APC: variants seen among roughly 807,000 people sequenced by gnomAD.
The protein encoded by APC is APC regulator of Wnt signaling pathway.
APC carries 72 observed loss-of-function variants against 247.0 expected under a neutral mutation model. The observed-to-expected ratio is 0.29, with a 90% CI of 0.24 to 0.35. APC has a LOEUF of 0.35. Among genes scored for constraint, APC ranks in the 10% least tolerant of loss-of-function variants. APC has a pLI of 1.00. For missense variants in APC, 3,400 were observed against 3,360.7 expected, an observed-to-expected ratio of 1.01 and a Z score of -0.29; for synonymous variants, 1,254 against 1,162.5, an observed-to-expected ratio of 1.08 and a Z score of -1.60.
chr5:112,786,886 C>CTTTT (rs1171592849), intron 6 of APC, among the ~76,000 whole-genome samples: 13 of 118,122 alleles, frequency 1.1e-4, no homozygotes, highest in South Asian at 2.9e-4. Context: ...TTTTCTTTTT[C>CTTTT]TTTTTTTTTT....
chr5:112,821,169 C>G (rs985944109), intron 10 of APC, among the ~76,000 whole-genome samples: 1 of 151,788 alleles, frequency 6.6e-6, no homozygotes, highest in African/African-American at 2.4e-5. Flanking sequence ...GCACCTAGCA[C>G]CATGTGCTTT....
At chr5:112,767,741 G>A (rs1413134934) in intron 4 of APC, among the ~76,000 whole-genome samples, 2 of 150,788 alleles carry the variant, frequency 1.3e-5, no homozygotes, top group African/African-American at 4.9e-5. Flanking sequence ...AGCGGTTCTT[G>A]TGCCTCAGCC....
At chr5:112,797,583 G>C (rs1375028157) in intron 7 of APC, among the ~76,000 whole-genome samples, 4 of 152,194 alleles carry the variant, frequency 2.6e-5, no homozygotes, top group African/African-American at 9.7e-5. Flanking sequence ...AACCAGTGCT[G>C]TGACTTTCTT....
chr5:112,800,447 T>A (rs1396038051), intron 7 of APC, among the ~76,000 whole-genome samples: 4 of 152,220 alleles, frequency 2.6e-5, no homozygotes, highest in Non-Finnish European at 5.9e-5. Context: ...TAAGTCACAT[T>A]TTTTAAATGA....
At chr5:112,819,445 G>C (rs1041215252) in intron 10 of APC, 101 bp downstream of exon 10, 1 of 1,456,902 alleles carries the variant, frequency 6.9e-7, no homozygotes, top group Non-Finnish European at 9.5e-7. Context: ...TTATGACTAA[G>C]AGGAGAAAAT....
intron 1 of APC, among the ~76,000 whole-genome samples, chr5:112,720,923 A>C (rs1215775329): frequency 6.6e-6 from 1 of 152,184 alleles, no homozygotes; most frequent in Non-Finnish European, 1.5e-5. Flanking sequence ...GGGAGAGAAG[A>C]GTAAGGGGTT....
intron 11 of APC, among the ~76,000 whole-genome samples, chr5:112,824,471 C>G (rs981430169): frequency 1.3e-5 from 2 of 152,042 alleles, no homozygotes; most frequent in African/African-American, 4.8e-5. Flanking sequence ...TTTTATTAGC[C>G]ATGTTCTTCC....
rs2149788963 is a variant in APC, at chr5:112,767,305, G to A, written c.337G>A (p.Val113Ile). The A allele has an allele frequency of 1.2e-6, 2 of 1,614,152 alleles. No homozygotes were observed. The highest frequency in any genetic ancestry group is 1.1e-5 in the South Asian group (1 of 91,084). ...VSSRSGECSP[V>I]PMGSFPRRGF... is the part of the protein sequence containing the mutation. ...AAGCCGTTCTGGAGAGTGCAGTCCT[G>A]TTCCTATGGGTTCATTTCCAAGAAG... Residue 113 changes from valine (V) to isoleucine (I), a missense_variant, in exon 4 of 16, where the codon GTT (valine) becomes ATT (isoleucine). Val to Ile is a conservative substitution (Grantham distance 29, BLOSUM62 3). Around this residue, in one of 9 missense-constraint regions of APC, gnomAD observed 372 missense variants for 367.6 expected, o/e 1.01. Coordinates refer to ENST00000257430, the MANE Select transcript of APC (RefSeq NM_000038.6).
upstream of APC, among the ~76,000 whole-genome samples, chr5:112,734,992 A>G (rs1278170515): frequency 6.6e-6 from 1 of 151,950 alleles, no homozygotes; most frequent in Non-Finnish European, 1.5e-5. Context: ...TTGTAGCTGC[A>G]GAAGGTTCAG....
intron 1 of APC, among the ~76,000 whole-genome samples, chr5:112,726,684 T>C (rs1014666666): frequency 6.6e-6 from 1 of 152,134 alleles, no homozygotes; most frequent in Non-Finnish European, 1.5e-5. Context: ...ACCCAGTATT[T>C]CCCTGTTTCC....
chr5:112,738,346 C>T (rs778324137), intron 1 of APC: 23 of 985,306 alleles, frequency 2.3e-5, no homozygotes, highest in South Asian at 9.4e-5. Flanking sequence ...TCCTCCCTGG[C>T]GACAAGGACA....
intron 7 of APC, among the ~76,000 whole-genome samples, chr5:112,799,248 T>G (rs940351705): frequency 2.0e-5 from 3 of 150,406 alleles, no homozygotes; most frequent in African/African-American, 7.4e-5. Context: ...TAATTAATGA[T>G]CTGTTCCTCC....
Position 112,828,987 on chromosome 5 carries a change from AT to A in APC, c.1743+18del, listed in dbSNP as rs1764028603. ...AAGTTAAAAAGGTACCTTTGAAAAC[AT>A]TTAGTACTATAATATGAATTTCATG... is the stretch of plus-strand genomic sequence containing the variant. On this transcript the variant is annotated intron_variant, in intron 14 of 15. Coordinates refer to ENST00000257430, the MANE Select transcript of APC (RefSeq NM_000038.6). The A allele has an allele frequency of 6.5e-7, 1 of 1,539,188 alleles. No homozygotes were observed. The highest frequency in any genetic ancestry group is 1.7e-5 in the Admixed American group (1 of 59,882).
At chr5:112,800,030 G>A (rs1037009913) in intron 7 of APC, among the ~76,000 whole-genome samples, 2 of 151,990 alleles carry the variant, frequency 1.3e-5, no homozygotes, top group African/African-American at 4.8e-5. Context: ...TTCTTTCATG[G>A]CATTTGTCAA....
chr5:112,722,196 AT>A (rs1009812284), intron 1 of APC, among the ~76,000 whole-genome samples: 4 of 152,188 alleles, frequency 2.6e-5, no homozygotes, highest in African/African-American at 9.7e-5. Flanking sequence ...CATCTATTGT[AT>A]TTTAGTACAG....
intron 1 of APC, 99 bp from the exon 2 acceptor site, chr5:112,754,774 A>C: frequency 8.9e-7 from 1 of 1,127,140 alleles, no homozygotes; most frequent in Middle Eastern, 2.3e-4. Flanking sequence ...ATTCTTCTTA[A>C]ACGTCTTAAG....
At chr5:112,789,310 T>C (rs1242388363) in intron 6 of APC, among the ~76,000 whole-genome samples, 5 of 152,160 alleles carry the variant, frequency 3.3e-5, no homozygotes, top group African/African-American at 1.2e-4. Flanking sequence ...TTGAGCACCA[T>C]GTGGGTGCTC....
intron 8 of APC, among the ~76,000 whole-genome samples, chr5:112,802,357 T>C (rs1166787276): frequency 6.6e-6 from 1 of 152,122 alleles, no homozygotes; most frequent in East Asian, 1.9e-4. Context: ...ACAAAGGCAA[T>C]CATGTTTAAA....
intron 7 of APC, among the ~76,000 whole-genome samples, chr5:112,799,920 T>G (rs1760633361): frequency 6.6e-6 from 1 of 152,164 alleles, no homozygotes; most frequent in Admixed American, 6.5e-5. Context: ...CTATTTACTC[T>G]TCAAGTCTTT....
Sources: gnomAD v4.1 joint callset for allele counts (sites outside exome capture counted in the v4.1 genomes callset) on GRCh38, gnomAD v4.1.1 for gene constraint, gnomAD v4.1.1 regional missense constraint, MANE v1.5 for transcripts, NCBI Gene and HGNC (gene_info 2026-07-23, HGNC 2026-07-21) for gene names.